The following FLT1 variants were observed in gnomAD, a reference collection of about 807,000 sequenced individuals.
FLT1 encodes fms related receptor tyrosine kinase 1, also known as vascular endothelial growth factor receptor 1.
Under a neutral mutation model 156.3 loss-of-function variants are expected in FLT1, and 49 were observed. That is an observed-to-expected ratio of 0.31 (90% CI 0.25 to 0.40). FLT1 has a LOEUF of 0.40. Ranked by LOEUF, FLT1 falls within the 10% of genes least tolerant of loss-of-function variation. The pLI is 1.00. For missense variants in FLT1, 1,322 were observed against 1,637.2 expected (o/e 0.81, Z 3.32); for synonymous variants, 594 against 583.8 (o/e 1.02, Z -0.25).
In FLT1 at chr13:28,370,060, G is replaced by A. The variant is rs984200036; in HGVS notation, c.2117-12375C>T. On this transcript the variant is annotated intron_variant, in intron 14 of 29. Transcript: ENST00000282397. ...TATAAAAAATAAAAAAAATTAGCCC[G>A]GCATGGTGGCATGTGCCTGTAGTTC... 1.1e-4 allele frequency among the ~76,000 whole-genome samples: 16 copies of A among 152,112 alleles called. No homozygotes were observed. In the South Asian group the frequency reaches 1.7e-3, roughly 16 times the overall value.
chr13:28,466,950 G>A lies in FLT1; in HGVS notation c.341C>T (p.Thr114Ile), dbSNP rs148901240. 1 of 1,613,922 alleles carries A rather than the reference G, an allele frequency of 6.2e-7. No homozygotes were observed. Among genetic ancestry groups the A allele is most frequent in the Non-Finnish European group, 8.5e-7 (1 of 1,179,776 alleles). ...FYSCKYLAVP[T>I]SKKKETESAI... ...AGATTCTGTTTCCTTCTTCTTTGAA[G>A]TAGGTACAGCTAGATATTTGCAGCT... is the stretch of plus-strand genomic sequence containing the variant. The change falls in exon 3 of 30, where the codon ACT becomes ATT. Residue 114 changes from threonine to isoleucine, a missense_variant. Around this residue, in one of 3 missense-constraint regions of FLT1, gnomAD observed 991 missense variants for 1,254.8 expected, o/e 0.79. Transcript: ENST00000282397.
chr13:28,457,291 T>C (rs1443905792), intron 3 of FLT1, among the ~76,000 whole-genome samples: 3 of 152,222 alleles, frequency 2.0e-5, no homozygotes, highest in African/African-American at 7.2e-5. Flanking sequence ...GTGCTTAGGA[T>C]GGCACCCAGC....
chr13:28,370,543 C>T (rs865951525), intron 14 of FLT1, among the ~76,000 whole-genome samples: 7 of 152,144 alleles, frequency 4.6e-5, no homozygotes, highest in South Asian at 2.1e-4. Context: ...TCCTTTGAAA[C>T]GGTGCCAAAA....
intron 17 of FLT1, among the ~76,000 whole-genome samples, chr13:28,335,671 CT>C (rs1313220146): frequency 3.9e-5 from 6 of 152,316 alleles, no homozygotes; most frequent in African/African-American, 1.4e-4. Flanking sequence ...GGGACATGCT[CT>C]GCATTCAGAG....
rs762168211 is a variant in FLT1 at position 28,427,866 on chromosome 13, A to G, written c.1162T>C (p.Tyr388His). The change falls in exon 9 of 30, where the codon TAC becomes CAC. Residue 388 changes from tyrosine to histidine, a missense_variant. By Grantham distance (83) the Tyr-to-His change is moderately conservative. This residue lies in a region of FLT1 where 991 missense variants were observed against 1,254.8 expected (regional missense o/e 0.79). Coordinates refer to ENST00000282397, the MANE Select transcript of FLT1 (RefSeq NM_002019.4). ...GTTACGTCCTTGATAATTAACGAGT[A>G]GCCACGAGTCAAATAGCGAGCAGAT... ...EKSARYLTRGYSLIIKDVTEE... is the reference protein window; with the variant it reads ...EKSARYLTRGHSLIIKDVTEE... 6 of 1,614,036 alleles carry G rather than the reference A, an allele frequency of 3.7e-6. 1 individual carries two copies. The South Asian group carries it at 5.5e-5, about 15-fold the overall frequency.
At chr13:28,367,924 G>A (rs1038844606) in intron 14 of FLT1, among the ~76,000 whole-genome samples, 7 of 152,150 alleles carry the variant, frequency 4.6e-5, no homozygotes, top group African/African-American at 1.7e-4. Context: ...CCCCTGATTA[G>A]TCATCAGAAG....
chr13:28,399,812 GA>G (rs1231043352), intron 11 of FLT1, among the ~76,000 whole-genome samples: 1 of 152,200 alleles, frequency 6.6e-6, no homozygotes, highest in Non-Finnish European at 1.5e-5. Context: ...AATAGAAGCA[GA>G]AAACAACGTT....
At chr13:28,379,203 C>T (rs7993509) in intron 14 of FLT1, among the ~76,000 whole-genome samples, 67,666 of 151,832 alleles carry the variant, frequency 0.45, 16,314 homozygotes, top group East Asian at 0.6. Context: ...ATTAGCCTGG[C>T]GTTGTGGCAT....
chr13:28,494,900 C>T lies in FLT1; in HGVS notation c.-57G>A, dbSNP rs1283003410. 2.8e-6 allele frequency: 4 copies of T among 1,412,454 alleles called. No homozygotes were observed. In the East Asian group the frequency reaches 8.5e-5, roughly 30 times the overall value. 87.5% of individuals were successfully genotyped at this position (1,412,454 alleles called of 1,614,324 possible). A position where few individuals can be genotyped will look rare whatever the true frequency, so the allele number is the denominator to read the frequency against. On this transcript the variant is annotated 5_prime_UTR_variant, in exon 1 of 30. Transcript: ENST00000282397. ...CCCGCGCTCCCCGCGGCCAACGACC[C>T]GGCCGCCAGAGTCCGTCCTCTCGTT...
intron 12 of FLT1, among the ~76,000 whole-genome samples, chr13:28,394,710 C>A (rs1035715923): frequency 1.3e-5 from 2 of 152,118 alleles, no homozygotes; most frequent in Non-Finnish European, 2.9e-5. Context: ...CTGTTCTGGT[C>A]GCAGCTCTTC....
At chr13:28,483,965 G>C (rs117294473) in intron 1 of FLT1, among the ~76,000 whole-genome samples, 1 of 152,192 alleles carries the variant, frequency 6.6e-6, no homozygotes. Context: ...TTTGAATCTT[G>C]GCTTGGCTGT....
intron 11 of FLT1, among the ~76,000 whole-genome samples, chr13:28,400,400 C>T (rs1875360916): frequency 6.6e-6 from 1 of 152,154 alleles, no homozygotes; most frequent in Non-Finnish European, 1.5e-5. Context: ...ATCCTATGAT[C>T]AGTTTTATTA....
chr13:28,304,510 G>T lies in FLT1; in HGVS notation c.3816-1142C>A, dbSNP rs193063786. Among the ~76,000 whole-genome samples, 515 of 144,796 alleles carry T rather than the reference G, an allele frequency of 3.6e-3. 3 individuals carry two copies. Among genetic ancestry groups the T allele is most frequent in the Non-Finnish European group, 5.6e-3 (367 of 65,650 alleles). 95.0% of individuals were successfully genotyped at this position (144,796 alleles called of 152,430 possible). On this transcript the variant is annotated intron_variant, in intron 29 of 29. Transcript: ENST00000282397. ...ACCCATATCTGCCCACCTGTCTGGT[G>T]TTTTTTTTTTTAATGAGAGCTTTAT... is the stretch of plus-strand genomic sequence containing the variant.
intron 3 of FLT1, among the ~76,000 whole-genome samples, chr13:28,440,844 T>C (rs1473772635): frequency 1.3e-5 from 2 of 151,940 alleles, no homozygotes; most frequent in Middle Eastern, 3.2e-3. Context: ...AATTTTCTTA[T>C]TATTATTATG....
chr13:28,377,223 A>T (rs1175375082), intron 14 of FLT1, among the ~76,000 whole-genome samples: 1 of 152,192 alleles, frequency 6.6e-6, no homozygotes, highest in African/African-American at 2.4e-5. Context: ...CCCTTCTAAG[A>T]GTTCCCAGTT....
chr13:28,424,863 T>A (rs1313406648), intron 10 of FLT1, among the ~76,000 whole-genome samples: 1 of 152,230 alleles, frequency 6.6e-6, no homozygotes, highest in African/African-American at 2.4e-5. Flanking sequence ...CTTACTCATG[T>A]GTTACTAAAA....
At chr13:28,446,708 A>G (rs1878636634) in intron 3 of FLT1, among the ~76,000 whole-genome samples, 1 of 152,216 alleles carries the variant, frequency 6.6e-6, no homozygotes, top group Admixed American at 6.5e-5. Context: ...TAATATTGTT[A>G]AGATGTTAAT....
At position 28,430,120 on chromosome 13, in the gene FLT1, T is replaced by C. The variant is rs1295233868; in HGVS notation, c.1036A>G (p.Thr346Ala). The C allele has an allele frequency of 6.2e-7, 1 of 1,613,966 alleles. No individual in the cohort carries two copies. The highest frequency in any genetic ancestry group is 1.1e-5 in the South Asian group (1 of 91,088). ...VKHRKQQVLE[T>A]VAGKRSYRLS... ...CGGTAAGACCGCTTGCCAGCTACGG[T>C]TTCAAGCACCTGCTGTTTTCGATGT... is the stretch of plus-strand genomic sequence containing the variant. Residue 346 changes from threonine (T) to alanine (A), a missense_variant, in exon 8 of 30, where the codon ACC becomes GCC. Physicochemically the swap from Thr to Ala is moderately conservative, Grantham distance 58 (BLOSUM62 0). Around this residue, in one of 3 missense-constraint regions of FLT1, gnomAD observed 991 missense variants for 1,254.8 expected, o/e 0.79. Coordinates refer to ENST00000282397, the MANE Select transcript of FLT1 (RefSeq NM_002019.4).
At chr13:28,409,441 C>T (rs977408319) in intron 10 of FLT1, among the ~76,000 whole-genome samples, 4 of 151,946 alleles carry the variant, frequency 2.6e-5, no homozygotes, top group Admixed American at 2.0e-4. Context: ...CTCAACTGAC[C>T]CTCCAACTTC....
Sources: allele counts gnomAD v4.1 joint callset (sites outside exome capture counted in the v4.1 genomes callset), GRCh38; gene constraint gnomAD v4.1.1; regional missense constraint gnomAD v4.1.1; transcripts MANE v1.5; gene names NCBI Gene and HGNC (gene_info 2026-07-23, HGNC 2026-07-21).